GRM3: variants seen among roughly 807,000 people sequenced by gnomAD.
GRM3 encodes the protein glutamate metabotropic receptor 3.
In GRM3, 26 loss-of-function variants were observed where a neutral mutation model predicts 70.5. The observed-to-expected ratio is 0.37, with a 90% CI of 0.27 to 0.51. GRM3 has a LOEUF of 0.51. Among genes scored for constraint, GRM3 ranks in the 20% least tolerant of loss-of-function variants. The probability of loss-of-function intolerance (pLI) is 0.93; values close to 1 mark genes in which losing one functional copy is unlikely to be tolerated. For missense variants in GRM3, 859 were observed against 1,123.8 expected (o/e 0.76, Z 3.37); for synonymous variants, 443 against 434.9 (o/e 1.02, Z -0.23).
intron 1 of GRM3, among the ~76,000 whole-genome samples, chr7:86,728,052 A>G (rs751093534): frequency 6.6e-6 from 1 of 152,210 alleles, no homozygotes; most frequent in Non-Finnish European, 1.5e-5. Context: ...TATATTCTGT[A>G]GACAATTTAT....
At chr7:86,845,150 A>G (rs1004895512) in intron 4 of GRM3, among the ~76,000 whole-genome samples, 2 of 152,122 alleles carry the variant, frequency 1.3e-5, no homozygotes, top group African/African-American at 4.8e-5. Context: ...TCAGCCTCCC[A>G]AAGTGCTGGG....
intron 1 of GRM3, among the ~76,000 whole-genome samples, chr7:86,736,155 C>G (rs1795852681): frequency 2.6e-5 from 4 of 151,998 alleles, no homozygotes; most frequent in African/African-American, 9.7e-5. Flanking sequence ...CCAGAGAGAG[C>G]TGGTGTAGGG....
At chr7:86,688,674 C>A (rs1299099542) in intron 1 of GRM3, among the ~76,000 whole-genome samples, 1 of 149,844 alleles carries the variant, frequency 6.7e-6, no homozygotes, top group Non-Finnish European at 1.5e-5. Context: ...GCAGAGCACT[C>A]TTTACCATGT....
chr7:86,794,219 A>T (rs968447374), intron 3 of GRM3, among the ~76,000 whole-genome samples: 2 of 152,164 alleles, frequency 1.3e-5, no homozygotes, highest in African/African-American at 2.4e-5. Flanking sequence ...AGAGTTAAAA[A>T]CATAGTTTTT....
chr7:86,825,842 T>C (rs1158484601), intron 3 of GRM3, among the ~76,000 whole-genome samples: 2 of 152,214 alleles, frequency 1.3e-5, no homozygotes. Flanking sequence ...AAATACTTTT[T>C]AATAGTTTGC....
At chr7:86,712,945 G>A (rs1268464472) in intron 1 of GRM3, among the ~76,000 whole-genome samples, 1 of 152,014 alleles carries the variant, frequency 6.6e-6, no homozygotes, top group Non-Finnish European at 1.5e-5. Flanking sequence ...ACATAAAAAT[G>A]CAGATATCTT....
At chr7:86,814,888 T>C (rs900287691) in intron 3 of GRM3, among the ~76,000 whole-genome samples, 1 of 151,534 alleles carries the variant, frequency 6.6e-6, no homozygotes, top group Non-Finnish European at 1.5e-5. Flanking sequence ...TCCCAGAATG[T>C]TTCATGGGCT....
At chr7:86,666,664 C>A (rs1412466893) in intron 1 of GRM3, among the ~76,000 whole-genome samples, 1 of 151,754 alleles carries the variant, frequency 6.6e-6, no homozygotes, top group Non-Finnish European at 1.5e-5. Context: ...ATTCTAGGAT[C>A]CAAACTAGCT....
At chr7:86,683,742 A>G (rs1016704772) in intron 1 of GRM3, among the ~76,000 whole-genome samples, 1 of 152,180 alleles carries the variant, frequency 6.6e-6, no homozygotes, top group Non-Finnish European at 1.5e-5. Flanking sequence ...AAGACAAAGC[A>G]TATGCAAATT....
intron 2 of GRM3, chr7:86,784,256 T>C (rs1347611357): frequency 1.3e-5 from 2 of 152,072 alleles, no homozygotes; most frequent in Non-Finnish European, 2.9e-5. Flanking sequence ...CCTACCCCTA[T>C]GGGAGAGGAA....
At chr7:86,682,403 C>T (rs530842575) in intron 1 of GRM3, among the ~76,000 whole-genome samples, 1 of 152,152 alleles carries the variant, frequency 6.6e-6, no homozygotes, top group South Asian at 2.1e-4. Context: ...GGTTCCAAGT[C>T]TATGTACCCA....
chr7:86,753,255 T>G (rs1020715974), intron 1 of GRM3, among the ~76,000 whole-genome samples: 2 of 152,120 alleles, frequency 1.3e-5, no homozygotes, highest in Admixed American at 6.6e-5. Context: ...TAACAGTTAT[T>G]GAGCTAATGT....
In GRM3 at chr7:86,833,966, AT is replaced by A. The variant is rs577458121; in HGVS notation, c.1325-4872del. On this transcript the variant is annotated intron_variant, in intron 3 of 5. Coordinates refer to ENST00000361669, the MANE Select transcript of GRM3 (RefSeq NM_000840.3). Reference sequence around the variant, plus strand: ...TAGTAAAAGGTAAATGTATTAAAAAATAACATTCCACCAAAAGTAGCATTTG... The same window carrying A: ...TAGTAAAAGGTAAATGTATTAAAAAAAACATTCCACCAAAAGTAGCATTTG... Among the ~76,000 whole-genome samples, 56 of 152,370 alleles carry A rather than the reference AT, an allele frequency of 3.7e-4. No homozygotes were observed. The South Asian group carries it at 5.6e-3, about 15-fold the overall frequency.
At chr7:86,754,829 G>T (rs1363274439) in intron 1 of GRM3, among the ~76,000 whole-genome samples, 11 of 152,152 alleles carry the variant, frequency 7.2e-5, no homozygotes, top group Middle Eastern at 3.4e-3. Context: ...AGCAGCACGG[G>T]TGTCACTATA....
intron 1 of GRM3, among the ~76,000 whole-genome samples, chr7:86,736,898 T>G (rs1032614868): frequency 6.6e-6 from 1 of 152,176 alleles, no homozygotes; most frequent in African/African-American, 2.4e-5. Flanking sequence ...TTTGCAGATG[T>G]GTGTTTCCTT....
chr7:86,648,311 C>A (rs988323564), intron 1 of GRM3, among the ~76,000 whole-genome samples: 2 of 152,132 alleles, frequency 1.3e-5, no homozygotes, highest in African/African-American at 4.8e-5. Flanking sequence ...TATGTGGATG[C>A]ACATTATGAG....
intron 3 of GRM3, among the ~76,000 whole-genome samples, chr7:86,823,904 T>C (rs1286031973): frequency 6.6e-6 from 1 of 152,168 alleles, no homozygotes; most frequent in Non-Finnish European, 1.5e-5. Flanking sequence ...CAAGCCTACT[T>C]ACCCAGGTGT....
intron 1 of GRM3, among the ~76,000 whole-genome samples, chr7:86,665,073 T>A (rs1380691950): frequency 6.6e-6 from 1 of 152,100 alleles, no homozygotes; most frequent in Admixed American, 6.6e-5. Flanking sequence ...TGTGAAAGTC[T>A]GCTTAGAGAG....
chr7:86,756,409 A>T (rs1015829528), intron 1 of GRM3, among the ~76,000 whole-genome samples: 2 of 152,186 alleles, frequency 1.3e-5, no homozygotes, highest in Admixed American at 1.3e-4. Flanking sequence ...GTGTAAGTCT[A>T]CTAATTGTGA....
Sources: allele counts gnomAD v4.1 joint callset (sites outside exome capture counted in the v4.1 genomes callset), GRCh38; gene constraint gnomAD v4.1.1; transcripts MANE v1.5; gene names NCBI Gene and HGNC (gene_info 2026-07-23, HGNC 2026-07-21).